GRID2: variants seen among roughly 807,000 people sequenced by gnomAD.
GRID2 encodes glutamate ionotropic receptor delta type subunit 2.
GRID2 carries 33 observed loss-of-function variants against 114.8 expected under a neutral mutation model. The observed-to-expected ratio is 0.29, with a 90% CI of 0.22 to 0.38. GRID2 has a LOEUF of 0.38. Among genes scored for constraint, GRID2 ranks in the 10% least tolerant of loss-of-function variants. The pLI is 1.00. For missense variants in GRID2, 1,184 were observed against 1,257.7 expected (o/e 0.94, Z 0.89); for synonymous variants, 505 against 449.9 (o/e 1.12, Z -1.55).
chr4:92,856,153 G>T (rs2149429236), intron 2 of GRID2, among the ~76,000 whole-genome samples: 1 of 152,134 alleles, frequency 6.6e-6, no homozygotes, highest in Admixed American at 6.6e-5. Flanking sequence ...GGTCTACAGA[G>T]AGATCCAGTT....
chr4:93,357,568 GTTTAT>G (rs1761466619), intron 8 of GRID2, among the ~76,000 whole-genome samples: 1 of 151,190 alleles, frequency 6.6e-6, no homozygotes, highest in African/African-American at 2.4e-5. Context: ...TGGTTTCCAA[GTTTAT>G]TTTATTTATA....
At chr4:93,383,984 T>C (rs1377963941) in intron 8 of GRID2, among the ~76,000 whole-genome samples, 1 of 151,982 alleles carries the variant, frequency 6.6e-6, no homozygotes, top group Non-Finnish European at 1.5e-5. Context: ...AATACCTTAG[T>C]TTGGGTAATT....
chr4:92,304,735 A>G lies in GRID2; in HGVS notation c.79A>G (p.Ile27Val). The change falls in exon 1 of 16, where the codon ATT (isoleucine) becomes GTT (valine). Residue 27 changes from isoleucine (I) to valine (V), a missense_variant. Coordinates refer to ENST00000282020, the MANE Select transcript of GRID2 (RefSeq NM_001510.4). Reference sequence around the variant, plus strand: ...GGACTCGGCGAATGCGGATTCGATCATTCACATCGGTAAGAAAGTGTTGGT... The same window carrying G: ...GGACTCGGCGAATGCGGATTCGATCGTTCACATCGGTAAGAAAGTGTTGGT... ...TWDSANADSIIHIGAIFDESA... is the reference protein window; with the variant it reads ...TWDSANADSIVHIGAIFDESA... The G allele has an allele frequency of 1.2e-6, 2 of 1,609,276 alleles. No homozygotes were observed. The highest frequency in any genetic ancestry group is 1.7e-5 in the Admixed American group (1 of 59,984).
chr4:92,900,933 C>T (rs1287913555), intron 2 of GRID2, among the ~76,000 whole-genome samples: 1 of 58,538 alleles, frequency 1.7e-5, no homozygotes, highest in Non-Finnish European at 3.2e-5. Flanking sequence ...GAGTAGTATT[C>T]GTCTGTGTGT....
rs148786995 is a variant in GRID2 at position 93,560,199 on chromosome 4, C to A, written c.2193+44788C>A. 8.9e-4 allele frequency among the ~76,000 whole-genome samples: 100 copies of A among 112,034 alleles called. No homozygotes were observed. In the Middle Eastern group the frequency reaches 0.049, roughly 55 times the overall value. 73.5% of individuals were successfully genotyped at this position (112,034 alleles called of 152,430 possible). A position where few individuals can be genotyped will look rare whatever the true frequency, so the allele number is the denominator to read the frequency against. The stretch of plus-strand genomic sequence containing the variant: ...CTACGTAACAAACCTGCATGTTCTA[C>A]GCATGTATTCCAGAACTTAAAGTAA... On this transcript the variant is annotated intron_variant, in intron 13 of 15. Transcript: ENST00000282020.
chr4:93,176,283 T>A (rs1248197923), intron 4 of GRID2, among the ~76,000 whole-genome samples: 1 of 152,154 alleles, frequency 6.6e-6, no homozygotes, highest in Non-Finnish European at 1.5e-5. Context: ...AAGAAATTTT[T>A]CCTCACCAAT....
intron 2 of GRID2, among the ~76,000 whole-genome samples, chr4:92,967,313 T>C (rs764603956): frequency 6.6e-6 from 1 of 151,942 alleles, no homozygotes; most frequent in Non-Finnish European, 1.5e-5. Flanking sequence ...AAATTGAATA[T>C]AAACTAAACC....
At chr4:92,644,601 T>C (rs1244742619) in intron 2 of GRID2, among the ~76,000 whole-genome samples, 1 of 151,734 alleles carries the variant, frequency 6.6e-6, no homozygotes, top group Non-Finnish European at 1.5e-5. Flanking sequence ...GAACAAATTA[T>C]ATGAGCAAAT....
Position 92,912,976 on chromosome 4 carries a change from T to G in GRID2, c.245-172019T>G, listed in dbSNP as rs567136107. Reference sequence around the variant, plus strand: ...AAACTTCTATAAAAGTATAGAAGATTTGTTTTACTTCCTTATATACAAGTA... The same window carrying G: ...AAACTTCTATAAAAGTATAGAAGATGTGTTTTACTTCCTTATATACAAGTA... On this transcript the variant is annotated intron_variant, in intron 2 of 15. Transcript: ENST00000282020. 2.0e-5 allele frequency among the ~76,000 whole-genome samples: 3 copies of G among 151,966 alleles called. No individual in the cohort carries two copies. The East Asian group carries it at 5.8e-4, about 29-fold the overall frequency.
At chr4:93,578,166 C>T (rs1736597188) in intron 13 of GRID2, among the ~76,000 whole-genome samples, 1 of 152,134 alleles carries the variant, frequency 6.6e-6, no homozygotes, top group Admixed American at 6.5e-5. Context: ...GCTATTCCAC[C>T]CTCCCATCAA....
chr4:92,422,405 C>CATTTT (rs775995493), intron 1 of GRID2, among the ~76,000 whole-genome samples: 1 of 152,050 alleles, frequency 6.6e-6, no homozygotes, highest in Admixed American at 6.6e-5. Context: ...TTTGAATTTA[C>CATTTT]ATTTTATTTT....
At chr4:92,653,921 A>G (rs1732102062) in intron 2 of GRID2, among the ~76,000 whole-genome samples, 1 of 152,162 alleles carries the variant, frequency 6.6e-6, no homozygotes, top group Non-Finnish European at 1.5e-5. Flanking sequence ...TAGCTTAGAT[A>G]TCCTATGTCA....
At chr4:92,599,326 A>G (rs1364902328) in intron 2 of GRID2, among the ~76,000 whole-genome samples, 1 of 152,162 alleles carries the variant, frequency 6.6e-6, no homozygotes, top group African/African-American at 2.4e-5. Context: ...ATTTGGCTGT[A>G]GAGCAACATA....
intron 2 of GRID2, among the ~76,000 whole-genome samples, chr4:92,985,948 A>C (rs1279278401): frequency 6.6e-6 from 1 of 152,224 alleles, no homozygotes; most frequent in Non-Finnish European, 1.5e-5. Context: ...AGCAGCTCTC[A>C]ATTCACCGTC....
At chr4:93,660,305 T>C (rs1372402172) in intron 14 of GRID2, among the ~76,000 whole-genome samples, 1 of 152,156 alleles carries the variant, frequency 6.6e-6, no homozygotes, top group African/African-American at 2.4e-5. Flanking sequence ...TGAAATGATA[T>C]TATTTTGATA....
chr4:93,506,057 G>C (rs1258002402), intron 12 of GRID2, among the ~76,000 whole-genome samples: 1 of 152,114 alleles, frequency 6.6e-6, no homozygotes, highest in African/African-American at 2.4e-5. Flanking sequence ...ATGGCCTGCC[G>C]TGTCCACATA....
intron 10 of GRID2, among the ~76,000 whole-genome samples, chr4:93,450,526 T>C (rs1264873303): frequency 2.0e-5 from 3 of 151,806 alleles, no homozygotes; most frequent in African/African-American, 7.2e-5. Flanking sequence ...AGTTGTTACA[T>C]ATAATCATTT....
intron 14 of GRID2, among the ~76,000 whole-genome samples, chr4:93,711,768 C>T (rs1250066655): frequency 6.6e-6 from 1 of 152,204 alleles, no homozygotes; most frequent in Non-Finnish European, 1.5e-5. Context: ...GCTGCTGGGG[C>T]ATGGGCGGGT....
chr4:92,538,212 T>A (rs912699068), intron 1 of GRID2, among the ~76,000 whole-genome samples: 6 of 152,202 alleles, frequency 3.9e-5, no homozygotes, highest in Non-Finnish European at 8.8e-5. Flanking sequence ...AAACAGATTG[T>A]AATCTGAACC....
Sources: gnomAD v4.1 joint callset for allele counts (sites outside exome capture counted in the v4.1 genomes callset) on GRCh38, gnomAD v4.1.1 for gene constraint, MANE v1.5 for transcripts, NCBI Gene and HGNC (gene_info 2026-07-23, HGNC 2026-07-21) for gene names.